The following ADGRL2 variants were observed in gnomAD, a reference collection of about 807,000 sequenced individuals.
ADGRL2 encodes calcium-independent alpha-latrotoxin receptor 2.
Under a neutral mutation model 157.4 loss-of-function variants are expected in ADGRL2, and 44 were observed. The observed-to-expected ratio is 0.28, with a 90% CI of 0.22 to 0.36. The LOEUF (loss-of-function observed/expected upper bound fraction) is 0.36. ADGRL2 is among the 10% of genes least tolerant of loss of function. The probability of loss-of-function intolerance (pLI) is 1.00; values close to 1 mark genes in which losing one functional copy is unlikely to be tolerated. For missense variants in ADGRL2, 1,510 were observed against 1,768.9 expected (o/e 0.85, Z 2.63); for synonymous variants, 585 against 624.7 (o/e 0.94, Z 0.95).
At chr1:81,309,420 G>A (rs1359046191) in intron 1 of ADGRL2, among the ~76,000 whole-genome samples, 1 of 152,150 alleles carries the variant, frequency 6.6e-6, no homozygotes, top group Non-Finnish European at 1.5e-5. Context: ...AGGCCACACA[G>A]TTGGGACAGA....
chr1:81,394,270 A>G (rs1400163054), intron 1 of ADGRL2, among the ~76,000 whole-genome samples: 2 of 152,196 alleles, frequency 1.3e-5, no homozygotes, highest in Non-Finnish European at 2.9e-5. Context: ...ATTGTTATTT[A>G]TAGTCACTAT....
At chr1:81,536,765 A>C (rs1052725180) in intron 2 of ADGRL2, among the ~76,000 whole-genome samples, 1 of 152,192 alleles carries the variant, frequency 6.6e-6, no homozygotes, top group African/African-American at 2.4e-5. Flanking sequence ...CTGTTCTATA[A>C]ATAATATATT....
chr1:81,713,454 C>G (rs1432842707), intron 1 of ADGRL2, among the ~76,000 whole-genome samples: 1 of 152,140 alleles, frequency 6.6e-6, no homozygotes, highest in Non-Finnish European at 1.5e-5. Flanking sequence ...AAACGATTAA[C>G]TCTAATATTT....
intron 2 of ADGRL2, among the ~76,000 whole-genome samples, chr1:81,565,765 A>T (rs1363359216): frequency 1.3e-5 from 2 of 152,168 alleles, no homozygotes; most frequent in Non-Finnish European, 2.9e-5. Context: ...TTTCTTCTTT[A>T]GTGGCCCAGA....
At chr1:81,426,697 G>T in intron 1 of ADGRL2, 1 of 473,936 alleles carries the variant, frequency 2.1e-6, no homozygotes, top group South Asian at 1.6e-5. Flanking sequence ...TTGGTTTTGT[G>T]ACTTACTCTT....
At chr1:81,927,421 A>C (rs17470277) in intron 3 of ADGRL2, among the ~76,000 whole-genome samples, 52,431 of 151,778 alleles carry the variant, frequency 0.35, 9,355 homozygotes, top group Middle Eastern at 0.43. Context: ...GGATTTAATC[A>C]CAGGTGCAAT....
At chr1:81,696,717 A>G (rs921504171), upstream of ADGRL2, among the ~76,000 whole-genome samples, 3 of 152,150 alleles carry the variant, frequency 2.0e-5, no homozygotes, top group African/African-American at 7.2e-5. Flanking sequence ...ACACCACTGC[A>G]CTCCAGCCTG....
chr1:81,493,973 C>T (rs1250790103), intron 2 of ADGRL2, among the ~76,000 whole-genome samples: 1 of 152,088 alleles, frequency 6.6e-6, no homozygotes, highest in Non-Finnish European at 1.5e-5. Flanking sequence ...GTGAGTAGGA[C>T]AAGATAGAGG....
intron 1 of ADGRL2, among the ~76,000 whole-genome samples, chr1:81,821,583 T>A (rs1210411025): frequency 1.3e-5 from 2 of 152,152 alleles, no homozygotes; most frequent in Non-Finnish European, 2.9e-5. Context: ...CTACTGTAAA[T>A]TGCATTATAT....
intron 1 of ADGRL2, among the ~76,000 whole-genome samples, chr1:81,326,062 A>T (rs1469602966): frequency 1.3e-5 from 2 of 152,202 alleles, no homozygotes; most frequent in African/African-American, 4.8e-5. Context: ...ATATAAATAT[A>T]TACAGGTGGA....
intron 1 of ADGRL2, among the ~76,000 whole-genome samples, chr1:81,379,861 A>G (rs1454632492): frequency 6.6e-6 from 1 of 152,176 alleles, no homozygotes; most frequent in Non-Finnish European, 1.5e-5. Context: ...CTTGGAAAGG[A>G]AAATACAACA....
chr1:81,846,656 A>G (rs998471045), intron 2 of ADGRL2, among the ~76,000 whole-genome samples: 1 of 151,738 alleles, frequency 6.6e-6, no homozygotes, highest in Non-Finnish European at 1.5e-5. Flanking sequence ...GTTTGTGTGT[A>G]TGTATTAATC....
chr1:81,556,697 A>C (rs144337903), intron 2 of ADGRL2, among the ~76,000 whole-genome samples: 1 of 152,268 alleles, frequency 6.6e-6, no homozygotes, highest in East Asian at 1.9e-4. Flanking sequence ...TAGCTTATAA[A>C]AATAGTGGAA....
Position 81,943,133 on chromosome 1 carries a change from T to C in ADGRL2, c.574T>C (p.Ser192Pro). The change falls in exon 6 of 24, where the codon TCT becomes CCT. Residue 192 changes from serine (S) to proline (P), a missense_variant. This residue lies in a region of ADGRL2 where 361 missense variants were observed against 498.4 expected (regional missense o/e 0.72). Transcript: ENST00000686636. The surrounding 1 kb of genome is among the most constrained non-coding windows in gnomAD (Gnocchi z 5.6). Reference sequence around the variant, plus strand: ...TACCGATACTTTAATAGAATATGCTTCTTTAGAAGATTTCCAAAATAGTCG... The same window carrying C: ...TACCGATACTTTAATAGAATATGCTCCTTTAGAAGATTTCCAAAATAGTCG... ...YRTDTLIEYASLEDFQNSRQT... is the reference protein window; with the variant it reads ...YRTDTLIEYAPLEDFQNSRQT... The C allele has an allele frequency of 6.2e-7, 1 of 1,613,540 alleles. No homozygotes were observed. The highest frequency in any genetic ancestry group is 8.5e-7 in the Non-Finnish European group (1 of 1,179,612).
At chr1:81,577,970 T>G (rs1024392129) in intron 2 of ADGRL2, among the ~76,000 whole-genome samples, 2 of 152,204 alleles carry the variant, frequency 1.3e-5, no homozygotes, top group African/African-American at 4.8e-5. Context: ...TTATCAAGTT[T>G]TCATTCTCTC....
chr1:81,796,273 G>C (rs2087582173), upstream of ADGRL2, among the ~76,000 whole-genome samples: 1 of 152,208 alleles, frequency 6.6e-6, no homozygotes, highest in Non-Finnish European at 1.5e-5. Flanking sequence ...ACAGGCGTGA[G>C]CCACCACACA....
Position 81,596,241 on chromosome 1 carries a change from A to G in ADGRL2, c.-143+15261A>G, listed in dbSNP as rs1339319256. The stretch of plus-strand genomic sequence containing the variant: ...AATCTCAAAAGGACTGTGCAAGTCA[A>G]TGAGTCGCTTGTGGATTCTCATCCC... On this transcript the variant is annotated intron_variant, in intron 3 of 24. Transcript: ENST00000370721. 8 of 580,292 alleles carry G rather than the reference A, an allele frequency of 1.4e-5. No individual in the cohort carries two copies. In the East Asian group the frequency reaches 3.4e-4, roughly 25 times the overall value. The allele number at this position is 580,292 out of a possible 1,614,324, so 35.9% of individuals were successfully genotyped here.
intron 3 of ADGRL2, among the ~76,000 whole-genome samples, chr1:81,909,518 T>G (rs2094662124): frequency 6.6e-6 from 1 of 152,184 alleles, no homozygotes; most frequent in Non-Finnish European, 1.5e-5. Context: ...CTTTCTGGCT[T>G]TTCTTCCTAG....
intron 2 of ADGRL2, among the ~76,000 whole-genome samples, chr1:81,878,396 T>C (rs947624364): frequency 2.0e-5 from 3 of 152,194 alleles, no homozygotes; most frequent in Admixed American, 2.0e-4. Context: ...TCAGAAGATT[T>C]ATTTATACTA....
Sources: gnomAD v4.1 joint callset for allele counts (sites outside exome capture counted in the v4.1 genomes callset) on GRCh38, gnomAD v4.1.1 for gene constraint, gnomAD v4.1.1 regional missense constraint, Gnocchi (gnomAD v3.1) non-coding constraint, MANE v1.5 for transcripts, NCBI Gene and HGNC (gene_info 2026-07-23, HGNC 2026-07-21) for gene names.